The following QTMAN variants were observed in gnomAD, a reference collection of about 807,000 sequenced individuals.
The protein encoded by QTMAN is queuosine-tRNA mannosyltransferase, also known as tRNA-queuosine alpha-mannosyltransferase.
At chr2:144,168,724 TC>T in the QTMAN span, among the ~76,000 whole-genome samples, 1 of 152,130 alleles carries the variant, frequency 6.6e-6, no homozygotes, top group African/African-American at 2.4e-5. Flanking sequence ...TCTCTATACA[TC>T]CTTTTTAGTT....
At chr2:144,196,210 T>G in the QTMAN span, among the ~76,000 whole-genome samples, 1 of 126,710 alleles carries the variant, frequency 7.9e-6, no homozygotes, top group Non-Finnish European at 1.6e-5. Flanking sequence ...CATGCACACA[T>G]AGCCACACAC....
the QTMAN span, among the ~76,000 whole-genome samples, chr2:143,973,977 T>C: frequency 3.9e-5 from 6 of 152,310 alleles, no homozygotes; most frequent in Admixed American, 3.9e-4. Flanking sequence ...CCAGAGCCTA[T>C]GACATTAATG....
At chr2:144,043,992 T>C in the QTMAN span, among the ~76,000 whole-genome samples, 1 of 152,208 alleles carries the variant, frequency 6.6e-6, no homozygotes, top group Non-Finnish European at 1.5e-5. Flanking sequence ...AGACAGGTTA[T>C]TATTTTTCCC....
chr2:144,297,815 C>G, the QTMAN span, among the ~76,000 whole-genome samples: 1 of 151,126 alleles, frequency 6.6e-6, no homozygotes, highest in South Asian at 2.1e-4. Flanking sequence ...CTCCTGACCT[C>G]GTGATCCACC....
At chr2:144,240,724 C>CG in the QTMAN span, among the ~76,000 whole-genome samples, 13 of 152,166 alleles carry the variant, frequency 8.5e-5, no homozygotes, top group African/African-American at 3.1e-4. Context: ...GAAATGCAAA[C>CG]AGTCCACACA....
the QTMAN span, chr2:144,317,384 T>TGGATGGAAGGAAGGAAGGAAGGAAGGAA: frequency 1.0e-5 from 1 of 97,356 alleles, no homozygotes; most frequent in African/African-American, 4.0e-5. Flanking sequence ...GAAGGAAGGA[T>TGGATGGAAGGAAGGAAGGAAGGAAGGAA]GGAAGGAAGG....
At chr2:143,944,178 C>T in the QTMAN span, 5 of 152,066 alleles carry the variant, frequency 3.3e-5, no homozygotes, top group African/African-American at 9.7e-5. Flanking sequence ...TACTGATTAA[C>T]TTATTTAATA....
the QTMAN span, among the ~76,000 whole-genome samples, chr2:144,261,025 G>A: frequency 6.6e-6 from 1 of 152,106 alleles, no homozygotes; most frequent in South Asian, 2.1e-4. Flanking sequence ...TCCCATTCTA[G>A]AAAAAACTGT....
chr2:144,042,437 G>A, the QTMAN span, among the ~76,000 whole-genome samples: 16 of 152,174 alleles, frequency 1.1e-4, no homozygotes, highest in Non-Finnish European at 2.2e-4. Context: ...TAAGAAAGAG[G>A]AGAGGAATAA....
chr2:144,107,020 A>G, the QTMAN span, among the ~76,000 whole-genome samples: 21 of 152,316 alleles, frequency 1.4e-4, no homozygotes, highest in South Asian at 1.0e-3. Context: ...GGTACATAAC[A>G]AAATGAAGGC....
At chr2:144,154,086 A>G in the QTMAN span, among the ~76,000 whole-genome samples, 1 of 152,198 alleles carries the variant, frequency 6.6e-6, no homozygotes, top group Non-Finnish European at 1.5e-5. Flanking sequence ...TTTTTGTGTT[A>G]ATTGTACTTA....
chr2:144,319,663 T>A, the QTMAN span: 1 of 152,106 alleles, frequency 6.6e-6, no homozygotes, highest in African/African-American at 2.4e-5. Flanking sequence ...TATGCCACAC[T>A]TCTTTTTCAA....
At chr2:143,972,102 T>A in the QTMAN span, among the ~76,000 whole-genome samples, 3 of 152,128 alleles carry the variant, frequency 2.0e-5, no homozygotes, top group Non-Finnish European at 4.4e-5. Context: ...GATGATGTAT[T>A]TTACATACAT....
chr2:144,043,113 A>G, the QTMAN span, among the ~76,000 whole-genome samples: 168 of 152,156 alleles, frequency 1.1e-3, 2 homozygotes, highest in African/African-American at 4.0e-3. Flanking sequence ...TTTCCCCGCA[A>G]TGGGAAACAT....
At chr2:144,095,300 A>T in the QTMAN span, among the ~76,000 whole-genome samples, 1 of 152,190 alleles carries the variant, frequency 6.6e-6, no homozygotes, top group African/African-American at 2.4e-5. Flanking sequence ...TTTTTATAAT[A>T]CCATGAACAT....
the QTMAN span, among the ~76,000 whole-genome samples, chr2:144,238,758 T>C: frequency 0.014 from 2,205 of 152,236 alleles, 27 homozygotes; most frequent in Non-Finnish European, 0.022. Flanking sequence ...AATAATAATA[T>C]AAGCTCGTTG....
At chr2:144,038,912 A>AG in the QTMAN span, among the ~76,000 whole-genome samples, 11 of 152,210 alleles carry the variant, frequency 7.2e-5, no homozygotes, top group African/African-American at 2.7e-4. Context: ...ACTTTCTGTC[A>AG]GAAAAAACAT....
At chr2:144,199,116 C>G in the QTMAN span, among the ~76,000 whole-genome samples, 1 of 151,110 alleles carries the variant, frequency 6.6e-6, no homozygotes, top group Non-Finnish European at 1.5e-5. Context: ...GACACAAGCT[C>G]GACTCACTGC....
At chr2:144,034,286 C>T in the QTMAN span, among the ~76,000 whole-genome samples, 1 of 152,186 alleles carries the variant, frequency 6.6e-6, no homozygotes, top group Non-Finnish European at 1.5e-5. Flanking sequence ...AGCTTAATAG[C>T]CACCACCAGG....
Sources: gnomAD v4.1 joint callset for allele counts (sites outside exome capture counted in the v4.1 genomes callset) on GRCh38, gnomAD v4.1.1 for gene constraint, MANE v1.5 for transcripts, NCBI Gene and HGNC (gene_info 2026-07-23, HGNC 2026-07-21) for gene names.